Variants in GSR observed in about 807,000 individuals in gnomAD.
GSR encodes glutathione reductase, mitochondrial.
In GSR, 48 loss-of-function variants were observed where a neutral mutation model predicts 56.5. That is an observed-to-expected ratio of 0.85 (90% CI 0.67 to 1.08). The LOEUF (loss-of-function observed/expected upper bound fraction) is 1.08, where lower values mean the gene tolerates loss of function less well. Ranked by LOEUF, GSR falls within the 50% of genes least tolerant of loss-of-function variation. The pLI is 0.00. For missense variants in GSR, 694 were observed against 703.3 expected, an observed-to-expected ratio of 0.99 and a Z score of 0.15; for synonymous variants, 264 against 270.8, an observed-to-expected ratio of 0.97 and a Z score of 0.25.
Position 30,716,819 on chromosome 8 carries a change from T to C in GSR, c.307-4731A>G, listed in dbSNP as rs8190915. Among the ~76,000 whole-genome samples the C allele has an allele frequency of 3.0e-3, 454 of 151,750 alleles. 3 individuals carry two copies. The highest frequency in any genetic ancestry group is 0.01 in the African/African-American group (427 of 41,366). ...GAGACCCTATCTCAAAAAATACACA[T>C]ACACTTAGTTCCAGTGAGAGCTGGG... On this transcript the variant is annotated intron_variant, in intron 1 of 12. Transcript: ENST00000221130.
At chr8:30,690,682 A>G (rs992225947) in intron 8 of GSR, among the ~76,000 whole-genome samples, 1 of 152,194 alleles carries the variant, frequency 6.6e-6, no homozygotes, top group African/African-American at 2.4e-5. Context: ...ATTCTCTAGG[A>G]AAATACTGCC....
intron 5 of GSR, among the ~76,000 whole-genome samples, chr8:30,700,729 A>AAAAAAAAAAAAG (rs1443530168): frequency 2.5e-5 from 1 of 40,756 alleles, no homozygotes; most frequent in Non-Finnish European, 5.3e-5. Context: ...TCTCCAAAAA[A>AAAAAAAAAAAAG]AAAAAAAAAA....
intron 4 of GSR, among the ~76,000 whole-genome samples, chr8:30,704,186 G>T (rs1174879237): frequency 6.6e-6 from 1 of 152,068 alleles, no homozygotes; most frequent in Non-Finnish European, 1.5e-5. Context: ...TTAGCCAGAA[G>T]TGGTGGCGGG....
chr8:30,699,740 G>A (rs116594553), intron 6 of GSR, among the ~76,000 whole-genome samples: 42 of 151,954 alleles, frequency 2.8e-4, no homozygotes, highest in African/African-American at 9.6e-4. Context: ...CACCACATCT[G>A]GCCAAAACCA....
intron 1 of GSR, among the ~76,000 whole-genome samples, chr8:30,724,264 C>T (rs1053011261): frequency 1.3e-5 from 2 of 152,166 alleles, no homozygotes; most frequent in East Asian, 1.9e-4. Flanking sequence ...TATTGGGCAT[C>T]GCCAAGGGTG....
At chr8:30,707,264 C>T (rs8190962) in intron 4 of GSR, among the ~76,000 whole-genome samples, 80 of 152,338 alleles carry the variant, frequency 5.3e-4, no homozygotes, top group African/African-American at 1.9e-3. Context: ...CAGACCTACT[C>T]AAGGTGCAGC....
intron 4 of GSR, among the ~76,000 whole-genome samples, chr8:30,703,708 C>T (rs1302625721): frequency 1.3e-5 from 2 of 150,496 alleles, no homozygotes; most frequent in Non-Finnish European, 2.9e-5. Context: ...GATGGCACCA[C>T]TGCACTCCAG....
Position 30,727,702 on chromosome 8 carries a change from G to A in GSR, c.134C>T (p.Ala45Val). The change falls in exon 1 of 13, where the codon GCC becomes GTC. Residue 45 changes from alanine to valine, a missense_variant. Ala to Val is a moderately conservative substitution (Grantham distance 64). Coordinates refer to ENST00000221130, the MANE Select transcript of GSR (RefSeq NM_000637.5). ...ALTRALSRAM[A>V]CRQEPQPQGP... Reference sequence around the variant, plus strand: ...CTGCGGCTGCGGCTCCTGCCTGCAGGCCATGGCACGGGAGAGGGCGCGCGT... The same window carrying A: ...CTGCGGCTGCGGCTCCTGCCTGCAGACCATGGCACGGGAGAGGGCGCGCGT... The A allele has an allele frequency of 2.8e-6, 4 of 1,433,662 alleles. No homozygotes were observed. Among genetic ancestry groups the A allele is most frequent in the Non-Finnish European group, 3.6e-6 (4 of 1,102,220 alleles). The allele number at this position is 1,433,662 out of a possible 1,614,324, so 88.8% of individuals were successfully genotyped here.
At chr8:30,719,670 T>C (rs1292637378) in intron 1 of GSR, among the ~76,000 whole-genome samples, 12 of 152,102 alleles carry the variant, frequency 7.9e-5, no homozygotes, top group Admixed American at 7.9e-4. Flanking sequence ...ACCAATCTAG[T>C]GTTCAGAACC....
At chr8:30,711,077 A>T (rs1259931729) in intron 2 of GSR, among the ~76,000 whole-genome samples, 1 of 152,296 alleles carries the variant, frequency 6.6e-6, no homozygotes, top group East Asian at 1.9e-4. Flanking sequence ...AGAGAAGAAA[A>T]GTCTTCCTAA....
intron 8 of GSR, among the ~76,000 whole-genome samples, chr8:30,692,444 C>T (rs550254221): frequency 1.1e-4 from 16 of 150,026 alleles, no homozygotes; most frequent in Non-Finnish European, 1.9e-4. Flanking sequence ...GATCCGCCTG[C>T]CTCGACCTCC....
intron 5 of GSR, among the ~76,000 whole-genome samples, 170 bp downstream of exon 5, chr8:30,702,923 A>T (rs1803791135): frequency 6.6e-6 from 1 of 152,182 alleles, no homozygotes; most frequent in Non-Finnish European, 1.5e-5. Context: ...GGGCGACTGC[A>T]TCACTAGCTA....
intron 9 of GSR, chr8:30,687,535 C>T (rs1406925113): frequency 6.6e-6 from 1 of 152,094 alleles, no homozygotes; most frequent in Non-Finnish European, 1.5e-5. Flanking sequence ...GGAATCCCAG[C>T]TACTCGGGAG....
chr8:30,719,371 C>T (rs1324570549), intron 1 of GSR, among the ~76,000 whole-genome samples: 2 of 152,014 alleles, frequency 1.3e-5, no homozygotes, highest in African/African-American at 4.8e-5. Context: ...CCACCTCGGC[C>T]TCCCAAAGTG....
At chr8:30,682,197 A>G in intron 10 of GSR, 136 bp from the exon 11 acceptor site, 3 of 774,972 alleles carry the variant, frequency 3.9e-6, no homozygotes, top group Non-Finnish European at 6.8e-6. Context: ...TACACTATCT[A>G]GATAGTTTAA....
chr8:30,699,820 G>C (rs544210990), intron 6 of GSR, among the ~76,000 whole-genome samples: 2 of 152,220 alleles, frequency 1.3e-5, no homozygotes, highest in African/African-American at 4.8e-5. Flanking sequence ...GTTGAAGAAA[G>C]AAGACAGTTT....
intron 1 of GSR, among the ~76,000 whole-genome samples, chr8:30,725,792 G>A (rs1804702971): frequency 6.9e-6 from 1 of 145,860 alleles, no homozygotes; most frequent in Admixed American, 7.0e-5. Context: ...TGAGACGGGA[G>A]AACTGCTTGA....
rs748463191 is a variant in GSR, at chr8:30,727,734, C to G, written c.102G>C (p.Ala34=). ...RGFLLLLPEP[A]ALTRALSRAM... is the part of the protein sequence containing the mutation. ...CACGGGAGAGGGCGCGCGTGAGGGC[C>G]GCGGGCTCGGGCAGAAGCAGCAGGA... Residue 34 remains alanine, a synonymous_variant, in exon 1 of 13, where the codon GCG becomes GCC. Coordinates refer to ENST00000221130, the MANE Select transcript of GSR (RefSeq NM_000637.5). The G allele has an allele frequency of 4.3e-6, 6 of 1,403,934 alleles. No individual in the cohort carries two copies. The highest frequency in any genetic ancestry group is 4.6e-6 in the Non-Finnish European group (5 of 1,082,624). The allele number at this position is 1,403,934 out of a possible 1,614,324, so 87.0% of individuals were successfully genotyped here. A position where few individuals can be genotyped will look rare whatever the true frequency, so the allele number is the denominator to read the frequency against.
At position 30,679,444 on chromosome 8, in the gene GSR, G is replaced by T; in HGVS notation, c.*76C>A. On this transcript the variant is annotated 3_prime_UTR_variant, in exon 13 of 13. Transcript: ENST00000221130. The stretch of plus-strand genomic sequence containing the variant: ...TAAAGAAATACATAAAACTCAAACA[G>T]TAAGTCAATGTGATTATTTGTTTCA... The T allele has an allele frequency of 1.5e-6, 2 of 1,372,286 alleles. No homozygotes were observed. The highest frequency in any genetic ancestry group is 2.1e-6 in the Non-Finnish European group (2 of 966,408). 85.0% of individuals were successfully genotyped at this position (1,372,286 alleles called of 1,614,324 possible). A position where few individuals can be genotyped will look rare whatever the true frequency, so the allele number is the denominator to read the frequency against.
Sources: allele counts gnomAD v4.1 joint callset (sites outside exome capture counted in the v4.1 genomes callset), GRCh38; gene constraint gnomAD v4.1.1; transcripts MANE v1.5; gene names NCBI Gene and HGNC (gene_info 2026-07-23, HGNC 2026-07-21).